ACTR3C: variants seen among roughly 807,000 people sequenced by gnomAD.
The protein encoded by ACTR3C is actin related protein 3C.
A neutral mutation model predicts 26.3 loss-of-function variants in ACTR3C; 18 were observed. The ratio of observed to expected loss-of-function variants is 0.68; its 90% CI spans 0.47 to 1.01. The LOEUF (loss-of-function observed/expected upper bound fraction) is 1.01, where lower values mean the gene tolerates loss of function less well. Among genes scored for constraint, ACTR3C ranks in the 50% least tolerant of loss-of-function variants. The probability of loss-of-function intolerance (pLI) is 0.00; values close to 1 mark genes in which losing one functional copy is unlikely to be tolerated. For synonymous variants in ACTR3C, 55 were observed against 94.5 expected (o/e 0.58, Z 2.42); for missense variants, 184 against 250.7 (o/e 0.73, Z 1.80).
At chr7:149,973,721 C>T in the ACTR3C span, among the ~76,000 whole-genome samples, 3 of 149,790 alleles carry the variant, frequency 2.0e-5, no homozygotes, top group Non-Finnish European at 4.5e-5. Context: ...TCCCTGGAGA[C>T]CTCATTTTCC....
chr7:149,959,512 A>G, the ACTR3C span, among the ~76,000 whole-genome samples: 1 of 152,126 alleles, frequency 6.6e-6, no homozygotes, highest in African/African-American at 2.4e-5. Context: ...AAATGGTCTA[A>G]CTGTATTGTA....
chr7:149,981,753 G>A, the ACTR3C span, among the ~76,000 whole-genome samples: 4 of 152,182 alleles, frequency 2.6e-5, no homozygotes, highest in African/African-American at 9.6e-5. Context: ...CATATTACAG[G>A]GGCAGCCCGA....
At chr7:149,953,318 G>A in the ACTR3C span, among the ~76,000 whole-genome samples, 1 of 149,564 alleles carries the variant, frequency 6.7e-6, no homozygotes, top group Non-Finnish European at 1.5e-5. Context: ...TGTTAACAGT[G>A]ATTCTGTTTG....
the ACTR3C span, among the ~76,000 whole-genome samples, chr7:150,227,701 G>GTTTTTTTTTTTTTTTTTTTTTTTTT: frequency 1.1e-5 from 1 of 94,242 alleles, no homozygotes; most frequent in African/African-American, 4.0e-5. Context: ...TTTTTTTTTT[G>GTTTTTTTTTTTTTTTTTTTTTTTTT]TTTTTTTTTT....
chr7:150,149,078 A>ATTATAT, the ACTR3C span, among the ~76,000 whole-genome samples: 1 of 49,588 alleles, frequency 2.0e-5, no homozygotes, highest in African/African-American at 8.2e-5. Flanking sequence ...ATAAAGTTTG[A>ATTATAT]GTATATATAT....
At chr7:150,262,321 A>G in intron 6 of ACTR3C, among the ~76,000 whole-genome samples, 1 of 152,264 alleles carries the variant, frequency 6.6e-6, no homozygotes. Context: ...TGAACAAATG[A>G]ACTGAAGTTG....
the ACTR3C span, among the ~76,000 whole-genome samples, chr7:150,205,832 T>C: frequency 4.6e-5 from 7 of 152,090 alleles, no homozygotes; most frequent in African/African-American, 1.7e-4. Context: ...TTTTTTTTTT[T>C]TCTTACTTGT....
chr7:149,896,467 T>C, the ACTR3C span, among the ~76,000 whole-genome samples: 7 of 152,156 alleles, frequency 4.6e-5, no homozygotes, highest in South Asian at 6.3e-4. Context: ...TGGTAGAGAA[T>C]AGTACTCAAT....
the ACTR3C span, chr7:150,002,101 G>C: frequency 6.7e-6 from 1 of 148,266 alleles, no homozygotes; most frequent in African/African-American, 2.4e-5. Flanking sequence ...TCAACTACAC[G>C]TCCCAGTGGT....
At chr7:149,896,049 A>C in the ACTR3C span, among the ~76,000 whole-genome samples, 3 of 149,854 alleles carry the variant, frequency 2.0e-5, no homozygotes, top group Admixed American at 6.6e-5. Context: ...AAAAAAAAAA[A>C]AAAAAAACAC....
At chr7:150,057,238 A>G in the ACTR3C span, among the ~76,000 whole-genome samples, 1 of 149,854 alleles carries the variant, frequency 6.7e-6, no homozygotes, top group Non-Finnish European at 1.5e-5. Context: ...CGGGTGGTAT[A>G]CTTATCTGAG....
At chr7:150,017,614 G>A in the ACTR3C span, among the ~76,000 whole-genome samples, 1 of 149,690 alleles carries the variant, frequency 6.7e-6, no homozygotes, top group Non-Finnish European at 1.5e-5. Flanking sequence ...AGTCTTCCAC[G>A]GTCACCTGTC....
At chr7:150,133,734 T>G in the ACTR3C span, among the ~76,000 whole-genome samples, 2 of 150,170 alleles carry the variant, frequency 1.3e-5, no homozygotes, top group African/African-American at 5.0e-5. Flanking sequence ...TTTTTATCTT[T>G]TGTGTTTGTT....
At chr7:149,996,928 G>A in the ACTR3C span, among the ~76,000 whole-genome samples, 2 of 150,082 alleles carry the variant, frequency 1.3e-5, no homozygotes, top group African/African-American at 2.5e-5. Flanking sequence ...CCGGGGCCAC[G>A]CCAGCACCAT....
chr7:150,142,686 A>G, the ACTR3C span, among the ~76,000 whole-genome samples: 1 of 149,398 alleles, frequency 6.7e-6, no homozygotes, highest in South Asian at 2.1e-4. Context: ...CCACCACCAC[A>G]CCCAGCTAAG....
At chr7:150,219,968 G>A in the ACTR3C span, among the ~76,000 whole-genome samples, 7 of 146,538 alleles carry the variant, frequency 4.8e-5, 2 homozygotes, top group African/African-American at 1.9e-4. Flanking sequence ...CAGCCGCAAA[G>A]CAGGGTAGGA....
the ACTR3C span, among the ~76,000 whole-genome samples, chr7:150,147,020 T>C: frequency 6.6e-6 from 1 of 152,172 alleles, no homozygotes. Context: ...TGCATCTGTC[T>C]CCAGTACCTT....
At chr7:150,065,992 GAAC>G in the ACTR3C span, among the ~76,000 whole-genome samples, 2 of 151,970 alleles carry the variant, frequency 1.3e-5, no homozygotes, top group East Asian at 1.9e-4. Context: ...ATATCATCAA[GAAC>G]AACTTGATAA....
At chr7:150,091,832 A>G in the ACTR3C span, among the ~76,000 whole-genome samples, 16 of 151,102 alleles carry the variant, frequency 1.1e-4, no homozygotes, top group Non-Finnish European at 1.5e-4. Flanking sequence ...AATACAAAAA[A>G]AAAAAATTAG....
Sources: allele counts gnomAD v4.1 joint callset (sites outside exome capture counted in the v4.1 genomes callset), GRCh38; gene constraint gnomAD v4.1.1; transcripts MANE v1.5; gene names NCBI Gene and HGNC (gene_info 2026-07-23, HGNC 2026-07-21).